Variants in CDC25B observed in about 807,000 individuals in gnomAD.
CDC25B encodes the protein M-phase inducer phosphatase 2.
Under a neutral mutation model 69.8 loss-of-function variants are expected in CDC25B, and 33 were observed. The ratio of observed to expected loss-of-function variants is 0.47; its 90% CI spans 0.36 to 0.63. CDC25B has a LOEUF of 0.63. CDC25B is among the 30% of genes least tolerant of loss of function. The pLI, the probability that CDC25B is intolerant of heterozygous loss-of-function variation, is 0.00. For synonymous variants in CDC25B, 341 were observed against 314.6 expected, an observed-to-expected ratio of 1.08 and a Z score of -0.89; for missense variants, 727 against 809.1, an observed-to-expected ratio of 0.90 and a Z score of 1.23.
rs749465321 is a variant in CDC25B, at chr20:3,800,802, C to T, written c.519C>T (p.Asp173=). 38 of 1,612,736 alleles carry T rather than the reference C, an allele frequency of 2.4e-5. 1 individual carries two copies. The highest frequency in any genetic ancestry group is 8.9e-5 in the East Asian group (4 of 44,890). ...ACATCACCAACTCCCAGGCGCCCGA[C>T]GGCCGGAGGAAGAGCGAGGCGGGCA... The part of the protein sequence containing the change: ...LRNITNSQAP[D]GRRKSEAGSG... The change falls in exon 6 of 16, where the codon GAC becomes GAT. Residue 173 remains aspartate (D), a synonymous_variant. Coordinates refer to ENST00000245960, the MANE Select transcript of CDC25B (RefSeq NM_021873.4).
At chr20:3,795,372 C>A (rs1340193245), upstream of CDC25B, among the ~76,000 whole-genome samples, 10 of 91,214 alleles carry the variant, frequency 1.1e-4, no homozygotes, top group African/African-American at 3.6e-4. Context: ...AAAAACAAAA[C>A]AAAACAAAAA....
chr20:3,803,224 G>A lies in CDC25B; in HGVS notation c.1356+18G>A. The A allele has an allele frequency of 6.3e-7, 1 of 1,596,072 alleles. No individual in the cohort carries two copies. The highest frequency in any genetic ancestry group is 8.6e-7 in the Non-Finnish European group (1 of 1,164,554). On this transcript the variant is annotated intron_variant, in intron 13 of 15. Coordinates refer to ENST00000245960, the MANE Select transcript of CDC25B (RefSeq NM_021873.4). The surrounding 1 kb of genome is among the most constrained non-coding windows in gnomAD (Gnocchi z 4.9). The stretch of plus-strand genomic sequence containing the variant: ...ACATCAAGGTAAGATGGGGCAATGG[G>A]GAGAGGCCCTGAAGATCCCACCTGG...
intron 3 of CDC25B, among the ~76,000 whole-genome samples, chr20:3,799,650 C>T (rs1178927509): frequency 6.6e-6 from 1 of 151,964 alleles, no homozygotes. Flanking sequence ...TCTTCTAAGG[C>T]AGGAGGAGGG....
At chr20:3,794,463 G>A (rs2088974623), upstream of CDC25B, among the ~76,000 whole-genome samples, 1 of 133,598 alleles carries the variant, frequency 7.5e-6, no homozygotes, top group Non-Finnish European at 1.6e-5. Context: ...GCTGGGTGGG[G>A]GGTGGGGGGG....
chr20:3,805,075 A>G lies in CDC25B; in HGVS notation c.*114A>G. The G allele has an allele frequency of 1.8e-6, 2 of 1,120,004 alleles. No homozygotes were observed. Among genetic ancestry groups the G allele is most frequent in the South Asian group, 1.5e-5 (1 of 64,950 alleles). 69.4% of individuals were successfully genotyped at this position (1,120,004 alleles called of 1,614,324 possible). On this transcript the variant is annotated 3_prime_UTR_variant, in exon 16 of 16. Transcript: ENST00000245960. ...AGGCCTCAGGTGCTGTCCATGGGAA[A>G]GATGGTGTGGGTGTCCTGCCTGTCT...
rs1176087397 is a variant in CDC25B, at chr20:3,804,872, G to C, written c.1654G>C (p.Asp552His). 1 of 1,614,062 alleles carries C rather than the reference G, an allele frequency of 6.2e-7. No homozygotes were observed. Among genetic ancestry groups the C allele is most frequent in the African/African-American group, 1.3e-5 (1 of 74,940 alleles). Residue 552 changes from aspartate (D) to histidine (H), a missense_variant, in exon 16 of 16, where the codon GAT (aspartate) becomes CAT (histidine). Physicochemically the swap from Asp to His is moderately conservative, Grantham distance 81. This residue lies in a region of CDC25B where 359 missense variants were observed against 463.4 expected (regional missense o/e 0.77). Coordinates refer to ENST00000245960, the MANE Select transcript of CDC25B (RefSeq NM_021873.4). The part of the protein sequence containing the change: ...YRPMNHEAFK[D>H]ELKTFRLKTR... ...GCCCATGAACCACGAGGCCTTCAAG[G>C]ATGAGCTAAAGACCTTCCGCCTCAA...
rs568206450 is a variant in CDC25B at position 3,804,826 on chromosome 20, C to T, written c.1608C>T (p.Phe536=). 4.3e-6 allele frequency: 7 copies of T among 1,614,180 alleles called. No individual in the cohort carries two copies. The highest frequency in any genetic ancestry group is 2.2e-5 in the East Asian group (1 of 44,878). Residue 536 remains phenylalanine (F), a synonymous_variant, in exon 16 of 16, where the codon TTC becomes TTT. Coordinates refer to ENST00000245960, the MANE Select transcript of CDC25B (RefSeq NM_021873.4). ...YKEFFPQHPN[F]CEPQDYRPMN... Reference sequence around the variant, plus strand: ...CCCCTCCTGTCCTGCCCTAGAACTTCTGTGAACCCCAGGACTACCGGCCCA... The same window carrying T: ...CCCCTCCTGTCCTGCCCTAGAACTTTTGTGAACCCCAGGACTACCGGCCCA...
Position 3,806,030 on chromosome 20 carries a change from A to G in CDC25B, c.*1069A>G, listed in dbSNP as rs1262095074. On this transcript the variant is annotated 3_prime_UTR_variant, in exon 16 of 16. Coordinates refer to ENST00000245960, the MANE Select transcript of CDC25B (RefSeq NM_021873.4). Reference sequence around the variant, plus strand: ...GAGCACCCTCTGGATTCTGAATCTCAAGATGGGGGCAGGGCTGTGCTTGAA... The same window carrying G: ...GAGCACCCTCTGGATTCTGAATCTCGAGATGGGGGCAGGGCTGTGCTTGAA... 2 of 398,044 alleles carry G rather than the reference A, an allele frequency of 5.0e-6. No homozygotes were observed. The highest frequency in any genetic ancestry group is 8.9e-6 in the Non-Finnish European group (2 of 225,878). 24.7% of individuals were successfully genotyped at this position (398,044 alleles called of 1,614,324 possible).
chr20:3,796,871 T>C, intron 1 of CDC25B, 140 bp downstream of exon 1: 1 of 1,131,258 alleles, frequency 8.8e-7, no homozygotes, highest in Non-Finnish European at 1.2e-6. Context: ...AGGTACGCCC[T>C]TGTTCCCTCC....
upstream of CDC25B, among the ~76,000 whole-genome samples, chr20:3,792,228 A>G (rs2146652982): frequency 6.6e-6 from 1 of 150,460 alleles, no homozygotes; most frequent in South Asian, 2.1e-4. Flanking sequence ...CAATGTTCAT[A>G]TGCTGTTTGT....
chr20:3,803,203 C>A lies in CDC25B; in HGVS notation c.1353C>A (p.Ile451=). The A allele has an allele frequency of 6.2e-7, 1 of 1,610,888 alleles. No homozygotes were observed. The highest frequency in any genetic ancestry group is 1.3e-5 in the African/African-American group (1 of 74,980). The part of the protein sequence containing the change: ...RYPYEYEGGH[I]KTAVNLPLER... Reference sequence around the variant, plus strand: ...CCTATGAATATGAAGGCGGGCACATCAAGGTAAGATGGGGCAATGGGGAGA... The same window carrying A: ...CCTATGAATATGAAGGCGGGCACATAAAGGTAAGATGGGGCAATGGGGAGA... The change falls in exon 13 of 16, where the codon ATC becomes ATA. Residue 451 remains isoleucine (I), a synonymous_variant. Coordinates refer to ENST00000245960, the MANE Select transcript of CDC25B (RefSeq NM_021873.4). This position sits in a 1 kb window ranked among gnomAD's most constrained non-coding sequence, Gnocchi z 4.9.
At position 3,802,326 on chromosome 20, in the gene CDC25B, G is replaced by A. The variant is rs748679556; in HGVS notation, c.1144G>A (p.Glu382Lys). 15 of 1,604,888 alleles carry A rather than the reference G, an allele frequency of 9.3e-6. No individual in the cohort carries two copies. Among genetic ancestry groups the A allele is most frequent in the African/African-American group, 6.8e-5 (5 of 73,832 alleles). Residue 382 changes from glutamate to lysine, a missense_variant, in exon 11 of 16, where the codon GAG (glutamate) becomes AAG (lysine). Physicochemically the swap from Glu to Lys is moderately conservative, Grantham distance 56. Transcript: ENST00000245960. ...AAAATCACTGTGTCACGATGAGATC[G>A]AGAACCTCCTGGACAGTGACCACCG... ...RSKSLCHDEI[E>K]NLLDSDHREL...
intron 7 of CDC25B, 79 bp downstream of exon 7, chr20:3,801,172 G>A (rs1365850222): frequency 1.2e-6 from 2 of 1,604,904 alleles, no homozygotes; most frequent in Non-Finnish European, 1.7e-6. Context: ...TGAACCCCCA[G>A]GCACTGGGAA....
chr20:3,789,774 G>A (rs866571409), intron 1 of CDC25B, among the ~76,000 whole-genome samples: 1 of 152,188 alleles, frequency 6.6e-6, no homozygotes, highest in African/African-American at 2.4e-5. Flanking sequence ...CAGATTACGA[G>A]GTCAGGAGAT....
chr20:3,796,559 C>T lies in CDC25B; in HGVS notation c.28C>T (p.Pro10Ser), dbSNP rs2089059852. ...GGAGGTGCCCCAGCCGGAGCCCGCGCCAGGCTCGGCTCTCAGTCCAGCAGG... is the reference window on the plus strand; with the variant it reads ...GGAGGTGCCCCAGCCGGAGCCCGCGTCAGGCTCGGCTCTCAGTCCAGCAGG... MEVPQPEPA[P>S]GSALSPAGVC... The change falls in exon 1 of 16, where the codon CCA becomes TCA. Residue 10 changes from proline to serine, a missense_variant. Pro to Ser is a moderately conservative substitution (Grantham distance 74). This residue lies in a region of CDC25B where 368 missense variants were observed against 345.6 expected (regional missense o/e 1.06). Coordinates refer to ENST00000245960, the MANE Select transcript of CDC25B (RefSeq NM_021873.4). The T allele has an allele frequency of 4.1e-6, 6 of 1,476,792 alleles. No individual in the cohort carries two copies. The highest frequency in any genetic ancestry group is 2.4e-5 in the Admixed American group (1 of 42,258). The allele number at this position is 1,476,792 out of a possible 1,614,324, so 91.5% of individuals were successfully genotyped here. A position where few individuals can be genotyped will look rare whatever the true frequency, so the allele number is the denominator to read the frequency against.
At chr20:3,792,135 A>G (rs1008904588), upstream of CDC25B, among the ~76,000 whole-genome samples, 9 of 152,102 alleles carry the variant, frequency 5.9e-5, no homozygotes, top group East Asian at 1.5e-3. Context: ...GCTGATCTTG[A>G]ACTCCTGACT....
intron 1 of CDC25B, among the ~76,000 whole-genome samples, 169 bp downstream of exon 1, chr20:3,796,900 G>A (rs867663914): frequency 1.3e-5 from 2 of 152,178 alleles, no homozygotes; most frequent in Middle Eastern, 6.8e-3. Context: ...CAGGACATGG[G>A]AAGTGAGACC....
At position 3,800,971 on chromosome 20, in the gene CDC25B, G is replaced by A. The variant is rs1445694084; in HGVS notation, c.583G>A (p.Asp195Asn). 2 of 1,614,010 alleles carry A rather than the reference G, an allele frequency of 1.2e-6. No homozygotes were observed. Among genetic ancestry groups the A allele is most frequent in the South Asian group, 2.2e-5 (2 of 91,070 alleles). The change falls in exon 7 of 16, where the codon GAT becomes AAT. Residue 195 changes from aspartate to asparagine, a missense_variant and splice_region_variant. By Grantham distance (23) the Asp-to-Asn change is conservative. Coordinates refer to ENST00000245960, the MANE Select transcript of CDC25B (RefSeq NM_021873.4). ...ASSSGEDKEN[D>N]GFVFKMPWKP... ...CCCTCCTCTCCCATCTTGGCTGCAGGATGGATTTGTCTTCAAGATGCCATG... is the reference window on the plus strand; with the variant it reads ...CCCTCCTCTCCCATCTTGGCTGCAGAATGGATTTGTCTTCAAGATGCCATG...
intron 1 of CDC25B, 93 bp from the exon 2 acceptor site, chr20:3,797,529 C>A: frequency 2.7e-6 from 4 of 1,498,702 alleles, no homozygotes; most frequent in East Asian, 4.5e-5. Flanking sequence ...TCGCTCAGTT[C>A]TTTTCTCAGC....
Sources: gnomAD v4.1 joint callset for allele counts (sites outside exome capture counted in the v4.1 genomes callset) on GRCh38, gnomAD v4.1.1 for gene constraint, gnomAD v4.1.1 regional missense constraint, Gnocchi (gnomAD v3.1) non-coding constraint, MANE v1.5 for transcripts, NCBI Gene and HGNC (gene_info 2026-07-23, HGNC 2026-07-21) for gene names.